NCOA3: variants seen among roughly 807,000 people sequenced by gnomAD.
NCOA3 encodes the protein nuclear receptor coactivator 3, also known as CBP-interacting protein.
Under a neutral mutation model 158.8 loss-of-function variants are expected in NCOA3, and 51 were observed. That is an observed-to-expected ratio of 0.32 (90% CI 0.26 to 0.41). The LOEUF is 0.41. NCOA3 is among the 10% of genes least tolerant of loss of function. The probability of loss-of-function intolerance (pLI) is 1.00; values close to 1 mark genes in which losing one functional copy is unlikely to be tolerated. For synonymous variants in NCOA3, 537 were observed against 592.4 expected (o/e 0.91, Z 1.36); for missense variants, 1,510 against 1,746.6 (o/e 0.86, Z 2.41).
At chr20:47,524,855 C>T (rs1391423631) in intron 1 of NCOA3, among the ~76,000 whole-genome samples, 1 of 152,164 alleles carries the variant, frequency 6.6e-6, no homozygotes, top group Non-Finnish European at 1.5e-5. Context: ...GCAGCCTCCC[C>T]AGTAGCTGGG....
chr20:47,531,751 C>G (rs2084550822), intron 1 of NCOA3, among the ~76,000 whole-genome samples: 1 of 152,176 alleles, frequency 6.6e-6, no homozygotes, highest in Non-Finnish European at 1.5e-5. Context: ...CTTCCCTCAG[C>G]CTAAATTTCC....
intron 1 of NCOA3, among the ~76,000 whole-genome samples, chr20:47,573,842 C>T (rs1164290250): frequency 1.3e-5 from 2 of 152,288 alleles, no homozygotes; most frequent in Non-Finnish European, 2.9e-5. Flanking sequence ...AGGGACTTCT[C>T]ACAGTATGTT....
chr20:47,510,607 A>G (rs530293675), intron 1 of NCOA3, among the ~76,000 whole-genome samples: 7 of 151,732 alleles, frequency 4.6e-5, no homozygotes, highest in Admixed American at 6.6e-5. Context: ...AATTAATTCA[A>G]TTTTTGGAGA....
intron 2 of NCOA3, among the ~76,000 whole-genome samples, chr20:47,605,716 T>A (rs191708078): frequency 5.3e-5 from 8 of 152,338 alleles, no homozygotes; most frequent in Non-Finnish European, 1.0e-4. Context: ...TATTGCTTTA[T>A]ATTTCCCCTC....
chr20:47,653,676 T>C lies in NCOA3; in HGVS notation c.*259T>C, dbSNP rs984306949. 61 of 488,240 alleles carry C rather than the reference T, an allele frequency of 1.2e-4. No homozygotes were observed. Among genetic ancestry groups the C allele is most frequent in the Non-Finnish European group, 5.1e-5 (14 of 276,738 alleles). 30.2% of individuals were successfully genotyped at this position (488,240 alleles called of 1,614,324 possible). A position where few individuals can be genotyped will look rare whatever the true frequency, so the allele number is the denominator to read the frequency against. ...AAATGTTTTTTGGCATTCCACCTCC[T>C]AGGGATATAATTCTGGAGACATGGA... On this transcript the variant is annotated 3_prime_UTR_variant, in exon 23 of 23. Transcript: ENST00000371998.
intron 1 of NCOA3, among the ~76,000 whole-genome samples, chr20:47,553,401 AATT>A (rs1438663321): frequency 2.0e-5 from 3 of 151,566 alleles, no homozygotes; most frequent in South Asian, 2.1e-4. Context: ...TTTTTTTTTA[AATT>A]ATTATTATTA....
chr20:47,616,472 C>T (rs1439320250), intron 2 of NCOA3, among the ~76,000 whole-genome samples: 3 of 152,018 alleles, frequency 2.0e-5, no homozygotes, highest in Non-Finnish European at 4.4e-5. Flanking sequence ...GGATTACAGG[C>T]GTGAGCCACC....
chr20:47,567,814 AC>A (rs2085223637), intron 1 of NCOA3, among the ~76,000 whole-genome samples: 1 of 151,214 alleles, frequency 6.6e-6, no homozygotes, highest in Non-Finnish European at 1.5e-5. Context: ...CAGGTGATCC[AC>A]CCACCTTGGC....
At chr20:47,614,248 A>G (rs931365250) in intron 2 of NCOA3, among the ~76,000 whole-genome samples, 1 of 152,216 alleles carries the variant, frequency 6.6e-6, no homozygotes, top group African/African-American at 2.4e-5. Context: ...AGAGAAAAAA[A>G]CCTTGTAAGA....
At chr20:47,606,559 T>G (rs1283060222) in intron 2 of NCOA3, among the ~76,000 whole-genome samples, 1 of 152,210 alleles carries the variant, frequency 6.6e-6, no homozygotes, top group East Asian at 1.9e-4. Context: ...TTCCCTTTTT[T>G]CCTTAAGTAC....
At chr20:47,545,942 T>G (rs1263590080) in intron 1 of NCOA3, among the ~76,000 whole-genome samples, 1 of 152,120 alleles carries the variant, frequency 6.6e-6, no homozygotes, top group Non-Finnish European at 1.5e-5. Context: ...CTAGAACTCC[T>G]GAGCTCAAGT....
intron 1 of NCOA3, among the ~76,000 whole-genome samples, chr20:47,567,467 A>G (rs1052800284): frequency 4.6e-5 from 7 of 151,818 alleles, no homozygotes; most frequent in African/African-American, 1.7e-4. Flanking sequence ...CAGTGGTGCA[A>G]TCACAGCTCA....
At chr20:47,581,167 T>A (rs989023830) in intron 1 of NCOA3, among the ~76,000 whole-genome samples, 1 of 152,012 alleles carries the variant, frequency 6.6e-6, no homozygotes, top group African/African-American at 2.4e-5. Context: ...TATATAAAAT[T>A]ACCTTCAGGC....
At chr20:47,557,670 T>C (rs1385226867) in intron 1 of NCOA3, among the ~76,000 whole-genome samples, 1 of 152,194 alleles carries the variant, frequency 6.6e-6, no homozygotes, top group Non-Finnish European at 1.5e-5. Flanking sequence ...AAATCAGCCA[T>C]AGCCCAAACA....
intron 2 of NCOA3, among the ~76,000 whole-genome samples, chr20:47,606,347 C>T (rs561929592): frequency 1.1e-4 from 16 of 152,286 alleles, no homozygotes; most frequent in South Asian, 8.3e-4. Flanking sequence ...ATTTTCATCC[C>T]GTTGGTGTTT....
intron 2 of NCOA3, among the ~76,000 whole-genome samples, chr20:47,583,781 C>T (rs762513578): frequency 7.2e-5 from 11 of 152,084 alleles, no homozygotes; most frequent in Non-Finnish European, 1.6e-4. Flanking sequence ...CAGAGCGAAA[C>T]CCCATCTCTA....
At chr20:47,594,393 T>A (rs1835254100) in intron 2 of NCOA3, among the ~76,000 whole-genome samples, 1 of 152,154 alleles carries the variant, frequency 6.6e-6, no homozygotes, top group South Asian at 2.1e-4. Context: ...CCAGGTGCAG[T>A]GGCTCATGCC....
Position 47,651,160 on chromosome 20 carries a change from C to G in NCOA3, c.3830C>G (p.Thr1277Ser), listed in dbSNP as rs372367720. ...CAGCAACAGCAGCAACAGCAGCAAA[C>G]CCAGGCCTTCAGCCCACCTCCTAAT... is the stretch of plus-strand genomic sequence containing the variant. ...QQQQQQQQQQ[T>S]QAFSPPPNVT... Residue 1277 changes from threonine to serine, a missense_variant, in exon 20 of 23, where the codon ACC becomes AGC. Transcript: ENST00000371998. 82 of 1,613,674 alleles carry G rather than the reference C, an allele frequency of 5.1e-5. No homozygotes were observed. Among genetic ancestry groups the G allele is most frequent in the Non-Finnish European group, 6.5e-5 (77 of 1,179,904 alleles).
At chr20:47,561,891 T>TA (rs1195285270) in intron 1 of NCOA3, among the ~76,000 whole-genome samples, 1 of 152,124 alleles carries the variant, frequency 6.6e-6, no homozygotes, top group Non-Finnish European at 1.5e-5. Flanking sequence ...TTCACTACCC[T>TA]AAAAAATCTA....
Sources: allele counts gnomAD v4.1 joint callset (sites outside exome capture counted in the v4.1 genomes callset), GRCh38; gene constraint gnomAD v4.1.1; transcripts MANE v1.5; gene names NCBI Gene and HGNC (gene_info 2026-07-23, HGNC 2026-07-21).